The following MYH9 variants were observed in gnomAD, a reference collection of about 807,000 sequenced individuals.
MYH9 encodes the protein myosin heavy chain 9, also known as myosin-9.
MYH9 carries 29 observed loss-of-function variants against 241.9 expected under a neutral mutation model. That is an observed-to-expected ratio of 0.12 (90% CI 0.09 to 0.16). MYH9 has a LOEUF of 0.16. MYH9 is among the 10% of genes least tolerant of loss of function. The pLI is 1.00. For missense variants in MYH9, 1,803 were observed against 2,595.5 expected (o/e 0.69, Z 6.63); for synonymous variants, 1,047 against 1,062.6 (o/e 0.99, Z 0.29).
rs1415611238 is a variant in MYH9 at position 36,306,819 on chromosome 22, G to C, written c.1844-212C>G. Among the ~76,000 whole-genome samples, 1 of 152,200 alleles carries C rather than the reference G, an allele frequency of 6.6e-6. No individual in the cohort carries two copies. The highest frequency in any genetic ancestry group is 1.5e-5 in the Non-Finnish European group (1 of 68,044). ...AGGGGGATGCAAAGGCACTGGGCTT[G>C]TCTCTTGGGGAGCCATGCATCTGCC... On this transcript the variant is annotated intron_variant, in intron 15 of 40. Coordinates refer to ENST00000216181, the MANE Select transcript of MYH9 (RefSeq NM_002473.6). The surrounding 1 kb of genome is among the most constrained non-coding windows in gnomAD (Gnocchi z 4.1).
chr22:36,333,489 T>C (rs566052560), intron 3 of MYH9, among the ~76,000 whole-genome samples: 1 of 152,116 alleles, frequency 6.6e-6, no homozygotes, highest in Non-Finnish European at 1.5e-5. Flanking sequence ...TGAGCCCCCA[T>C]CAGTACTGTC....
chr22:36,301,030 C>A lies in MYH9; in HGVS notation c.2659G>T (p.Glu887Ter). 1 of 1,610,954 alleles carries A rather than the reference C, an allele frequency of 6.2e-7. No individual in the cohort carries two copies. Among genetic ancestry groups the A allele is most frequent in the South Asian group, 1.1e-5 (1 of 91,080 alleles). The change falls in exon 22 of 41, where the codon GAG becomes TAG. Residue 887 changes from glutamate (E) to a stop codon, truncating the protein, a stop_gained. Coordinates refer to ENST00000216181, the MANE Select transcript of MYH9 (RefSeq NM_002473.6). LOFTEE classifies it high-confidence loss of function. ...QLMAEKLQLQEQLQAETELCA... is the reference protein window; with the variant it reads ...QLMAEKLQLQ Reference sequence around the variant, plus strand: ...AGCTCGGTTTCTGCCTGGAGCTGCTCCTGCAGCTGCAATTTCTCTGCCATG... The same window carrying A: ...AGCTCGGTTTCTGCCTGGAGCTGCTACTGCAGCTGCAATTTCTCTGCCATG...
At chr22:36,340,522 A>G (rs1231563118) in intron 3 of MYH9, among the ~76,000 whole-genome samples, 1 of 151,980 alleles carries the variant, frequency 6.6e-6, no homozygotes, top group Non-Finnish European at 1.5e-5. Context: ...TTAGCCGTGC[A>G]TGGTGGCACA....
At position 36,301,020 on chromosome 22, in the gene MYH9, TG is replaced by T. The variant is rs1603483058; in HGVS notation, c.2668del (p.Gln890ArgfsTer17). 1 of 1,611,488 alleles carries T rather than the reference TG, an allele frequency of 6.2e-7. No homozygotes were observed. The highest frequency in any genetic ancestry group is 8.5e-7 in the Non-Finnish European group (1 of 1,180,020). Reference protein sequence around the residue: ...AEKLQLQEQLQAETELCAEAE... With the variant: ...AEKLQLQEQLXAETELCAEAE... ...CTCGGCACACAGCTCGGTTTCTGCC[TG>T]GAGCTGCTCCTGCAGCTGCAATTTC... On this transcript the variant is annotated frameshift_variant, in exon 22 of 41. Transcript: ENST00000216181. LOFTEE classifies it high-confidence loss of function.
chr22:36,345,968 G>T lies in MYH9; in HGVS notation c.333+2936C>A, dbSNP rs574495942. ...TCCAGACCAGCCTGGCCAATATGGG[G>T]AAACCCCGTCTTTACTAAAAATACA... On this transcript the variant is annotated intron_variant, in intron 2 of 40. Coordinates refer to ENST00000216181, the MANE Select transcript of MYH9 (RefSeq NM_002473.6). Among the ~76,000 whole-genome samples, 40 of 152,254 alleles carry T rather than the reference G, an allele frequency of 2.6e-4. 1 individual carries two copies. The South Asian group carries it at 7.1e-3, about 27-fold the overall frequency.
chr22:36,312,291 A>G, intron 13 of MYH9, 69 bp from the exon 14 acceptor site: 2 of 1,546,046 alleles, frequency 1.3e-6, no homozygotes, highest in East Asian at 2.3e-5. Flanking sequence ...TCAAGAAGCC[A>G]AAGCCCGGAC....
intron 14 of MYH9, among the ~76,000 whole-genome samples, chr22:36,310,575 AG>A (rs1446742162): frequency 6.6e-6 from 1 of 152,222 alleles, no homozygotes; most frequent in Non-Finnish European, 1.5e-5. Flanking sequence ...GCTGCATCCC[AG>A]GGGTGCTCCC....
intron 14 of MYH9, among the ~76,000 whole-genome samples, chr22:36,311,283 T>C (rs927052132): frequency 2.0e-5 from 3 of 152,140 alleles, no homozygotes; most frequent in Admixed American, 2.0e-4. Context: ...GCTAGGTAAG[T>C]GTTGAGGGCA....
rs1277246473 is a variant in MYH9, at chr22:36,305,783, G to C, written c.2159+147C>G. The C allele has an allele frequency of 1.3e-5, 15 of 1,135,542 alleles. No individual in the cohort carries two copies. In the East Asian group the frequency reaches 3.4e-4, roughly 25 times the overall value. The allele number at this position is 1,135,542 out of a possible 1,614,324, so 70.3% of individuals were successfully genotyped here. On this transcript the variant is annotated intron_variant, in intron 17 of 40. Transcript: ENST00000216181. The surrounding 1 kb of genome is among the most constrained non-coding windows in gnomAD (Gnocchi z 4.7). ...AAAGGGTGGAAAAGAGAAGGAGGTG[G>C]GGAAGAGCTGGCCAGACTCAGTTCT...
At chr22:36,359,435 T>G (rs2017902546) in intron 1 of MYH9, among the ~76,000 whole-genome samples, 1 of 152,172 alleles carries the variant, frequency 6.6e-6, no homozygotes, top group African/African-American at 2.4e-5. Flanking sequence ...GAGAGCCAAG[T>G]TGAAACCACA....
In MYH9 at chr22:36,305,908, C is replaced by T. The variant is rs368908570; in HGVS notation, c.2159+22G>A. ...CACGCACAGCAGGGCCCAGGAGAAG[C>T]GGGCTCCGGGCCCTGGCTCACCTCT... On this transcript the variant is annotated intron_variant, in intron 17 of 40. Coordinates refer to ENST00000216181, the MANE Select transcript of MYH9 (RefSeq NM_002473.6). The surrounding 1 kb of genome is among the most constrained non-coding windows in gnomAD (Gnocchi z 4.7). 2.5e-5 allele frequency: 41 copies of T among 1,612,274 alleles called. No homozygotes were observed. The highest frequency in any genetic ancestry group is 2.5e-4 in the African/African-American group (19 of 75,028).
In MYH9 at chr22:36,302,658, C is replaced by T. The variant is rs1214719297; in HGVS notation, c.2409G>A (p.Gln803=). Residue 803 remains glutamine (Q), a synonymous_variant, in exon 20 of 41, where the codon CAG becomes CAA. Transcript: ENST00000216181. ...GGACCTTCATGGCGGTAAGCTGCTGCTGCCGCTTGGCAAATGCTCTGTGTG... is the reference window on the plus strand; with the variant it reads ...GGACCTTCATGGCGGTAAGCTGCTGTTGCCGCTTGGCAAATGCTCTGTGTG... ...YLARKAFAKR[Q]QQLTAMKVLQ... is the part of the protein sequence containing the mutation. 5.0e-6 allele frequency: 8 copies of T among 1,613,186 alleles called. No homozygotes were observed. Among genetic ancestry groups the T allele is most frequent in the African/African-American group, 1.3e-5 (1 of 74,950 alleles).
intron 3 of MYH9, among the ~76,000 whole-genome samples, chr22:36,337,818 G>A (rs746016382): frequency 6.6e-6 from 1 of 152,248 alleles, no homozygotes; most frequent in East Asian, 1.9e-4. Context: ...CTCCACGGGT[G>A]ACACATGACC....
chr22:36,293,459 C>T lies in MYH9; in HGVS notation c.3965G>A (p.Arg1322Gln), dbSNP rs1477519000. The T allele has an allele frequency of 6.2e-6, 10 of 1,613,432 alleles. No individual in the cohort carries two copies. The South Asian group carries it at 7.7e-5, about 12-fold the overall frequency. Reference protein sequence around the residue: ...DTQELLQEENRQKLSLSTKLK... With the variant: ...DTQELLQEENQQKLSLSTKLK... ...CTTGGTGCTCAGGCTCAGCTTCTGCCGGTTCTCCTCCTGCAGCAGCTCCTA... is the reference window on the plus strand; with the variant it reads ...CTTGGTGCTCAGGCTCAGCTTCTGCTGGTTCTCCTCCTGCAGCAGCTCCTA... Residue 1322 changes from arginine to glutamine, a missense_variant, in exon 30 of 41, where the codon CGG (arginine) becomes CAG (glutamine). Transcript: ENST00000216181. This position sits in a 1 kb window ranked among gnomAD's most constrained non-coding sequence, Gnocchi z 5.1.
chr22:36,349,123 C>G lies in MYH9; in HGVS notation c.114G>C (p.Lys38Asn), dbSNP rs2017727292. 4 of 1,614,226 alleles carry G rather than the reference C, an allele frequency of 2.5e-6. No homozygotes were observed. The South Asian group carries it at 4.4e-5, about 18-fold the overall frequency. Reference protein sequence around the residue: ...AKKLVWVPSDKSGFEPASLKE... With the variant: ...AKKLVWVPSDNSGFEPASLKE... ...TGAGGCTGGCTGGCTCAAAGCCACT[C>G]TTGTCGGAAGGCACCCATACCAGCT... The change falls in exon 2 of 41, where the codon AAG (lysine) becomes AAC (asparagine). Residue 38 changes from lysine (K) to asparagine (N), a missense_variant. Lys to Asn is a moderately conservative substitution (Grantham distance 94). Coordinates refer to ENST00000216181, the MANE Select transcript of MYH9 (RefSeq NM_002473.6).
At position 36,295,699 on chromosome 22, in the gene MYH9, G is replaced by T. The variant is rs727503287; in HGVS notation, c.3291C>A (p.Ala1097=). 1.4e-5 allele frequency: 23 copies of T among 1,613,090 alleles called. No individual in the cohort carries two copies. The highest frequency in any genetic ancestry group is 1.9e-5 in the Non-Finnish European group (22 of 1,179,814). The change falls in exon 26 of 41, where the codon GCC becomes GCA. Residue 1097 remains alanine (A), a synonymous_variant. Transcript: ENST00000216181. This position sits in a 1 kb window ranked among gnomAD's most constrained non-coding sequence, Gnocchi z 4.1. ...TCTTCTTGAGGGCCATGTTCTTCTG[G>T]GCAGCTTCCTCTTCCACTCTGCCAA... ...AALARVEEEA[A]QKNMALKKIR...
At chr22:36,356,585 A>G (rs1222780819) in intron 1 of MYH9, among the ~76,000 whole-genome samples, 1 of 149,848 alleles carries the variant, frequency 6.7e-6, no homozygotes, top group Non-Finnish European at 1.5e-5. Context: ...CATCTCAAAA[A>G]AAAAAAAAAA....
At chr22:36,334,463 G>A (rs2017467546) in intron 3 of MYH9, among the ~76,000 whole-genome samples, 1 of 152,232 alleles carries the variant, frequency 6.6e-6, no homozygotes, top group Non-Finnish European at 1.5e-5. Flanking sequence ...TCAGCCCCAG[G>A]CCTCAGCTCT....
chr22:36,341,538 A>T lies in MYH9; in HGVS notation c.334-12T>A, dbSNP rs552692187. ...AGGCCTGAATAGGTCTAAAGAAAAG[A>T]GCGGCAGATAGGAACAGGTTAGGAA... On this transcript the variant is annotated splice_polypyrimidine_tract_variant and intron_variant, in intron 2 of 40. Coordinates refer to ENST00000216181, the MANE Select transcript of MYH9 (RefSeq NM_002473.6). 2.5e-6 allele frequency: 4 copies of T among 1,613,456 alleles called. No homozygotes were observed. The highest frequency in any genetic ancestry group is 2.2e-5 in the East Asian group (1 of 44,878).
Sources: gnomAD v4.1 joint callset for allele counts (sites outside exome capture counted in the v4.1 genomes callset) on GRCh38, gnomAD v4.1.1 for gene constraint, Gnocchi (gnomAD v3.1) non-coding constraint, MANE v1.5 for transcripts, NCBI Gene and HGNC (gene_info 2026-07-23, HGNC 2026-07-21) for gene names.